Variants in VPS41 observed in about 807,000 individuals in gnomAD.
VPS41 encodes the protein VPS41 subunit of HOPS complex.
Under a neutral mutation model 130.9 loss-of-function variants are expected in VPS41, and 85 were observed. That is an observed-to-expected ratio of 0.65 (90% CI 0.55 to 0.78). The LOEUF (loss-of-function observed/expected upper bound fraction) is 0.78, where lower values mean the gene tolerates loss of function less well. Among genes scored for constraint, VPS41 ranks in the 30% least tolerant of loss-of-function variants. The pLI is 0.00. For missense variants in VPS41, 874 were observed against 1,018.7 expected, an observed-to-expected ratio of 0.86 and a Z score of 1.93; for synonymous variants, 335 against 332.9, an observed-to-expected ratio of 1.01 and a Z score of -0.07.
At chr7:38,761,181 T>C (rs2286084) in intron 17 of VPS41, among the ~76,000 whole-genome samples, 1 of 149,870 alleles carries the variant, frequency 6.7e-6, no homozygotes, top group African/African-American at 2.5e-5. Context: ...TCCTTCCTTG[T>C]CCTTCCTTTC....
At chr7:38,902,398 T>A (rs1787165068) in intron 1 of VPS41, among the ~76,000 whole-genome samples, 1 of 152,216 alleles carries the variant, frequency 6.6e-6, no homozygotes, top group South Asian at 2.1e-4. Context: ...TATATCTCTG[T>A]GCCACAAGTG....
chr7:38,781,908 T>C (rs919997930), intron 10 of VPS41, among the ~76,000 whole-genome samples: 2 of 152,260 alleles, frequency 1.3e-5, no homozygotes, highest in African/African-American at 4.8e-5. Flanking sequence ...TAGGTGTGTC[T>C]TTCTGGTATG....
chr7:38,792,983 G>C (rs1429598026), intron 9 of VPS41, among the ~76,000 whole-genome samples: 2 of 152,076 alleles, frequency 1.3e-5, no homozygotes, highest in African/African-American at 4.8e-5. Flanking sequence ...GGCCCCCATA[G>C]AGCTGTATAA....
At chr7:38,824,146 C>T (rs1785225684) in intron 5 of VPS41, among the ~76,000 whole-genome samples, 1 of 152,136 alleles carries the variant, frequency 6.6e-6, no homozygotes, top group Non-Finnish European at 1.5e-5. Context: ...CTGAACTTCT[C>T]CTAACTTAAT....
chr7:38,866,654 C>T (rs919076325), intron 3 of VPS41, among the ~76,000 whole-genome samples: 4 of 152,172 alleles, frequency 2.6e-5, no homozygotes, highest in Admixed American at 6.5e-5. Flanking sequence ...AATATGCATG[C>T]TATTCCAGTG....
At chr7:38,872,580 C>A (rs181698408) in intron 2 of VPS41, among the ~76,000 whole-genome samples, 3 of 152,090 alleles carry the variant, frequency 2.0e-5, no homozygotes, top group Non-Finnish European at 4.4e-5. Flanking sequence ...TATTAACTTT[C>A]CAAGAATAAC....
intron 14 of VPS41, among the ~76,000 whole-genome samples, chr7:38,769,375 A>G (rs902107096): frequency 6.6e-6 from 1 of 152,228 alleles, no homozygotes; most frequent in African/African-American, 2.4e-5. Flanking sequence ...AAGCAAGCAT[A>G]ATTACATAAA....
At chr7:38,832,619 A>G (rs1327359503) in intron 4 of VPS41, among the ~76,000 whole-genome samples, 14 of 151,794 alleles carry the variant, frequency 9.2e-5, no homozygotes, top group Admixed American at 9.2e-4. Context: ...AACTTTTCAC[A>G]TTTTCTTTGG....
rs371652954 is a variant in VPS41 at position 38,847,867 on chromosome 7, G to A, written c.246+14678C>T. 2.0e-5 allele frequency among the ~76,000 whole-genome samples: 3 copies of A among 152,286 alleles called. 1 individual carries two copies. Among genetic ancestry groups the A allele is most frequent in the East Asian group, 1.9e-4 (1 of 5,188 alleles). ...CTATTTATCTAAAATCTAAACATTT[G>A]AGAGAGTAAAGCCCTTGTTTTCCAC... is the stretch of plus-strand genomic sequence containing the variant. On this transcript the variant is annotated intron_variant, in intron 4 of 28. Coordinates refer to ENST00000310301, the MANE Select transcript of VPS41 (RefSeq NM_014396.4).
In VPS41 at chr7:38,796,762, C is replaced by A; in HGVS notation, c.553G>T (p.Ala185Ser). 6.2e-7 allele frequency: 1 copy of A among 1,613,880 alleles called. No homozygotes were observed. The highest frequency in any genetic ancestry group is 1.3e-5 in the African/African-American group (1 of 75,006). The change falls in exon 8 of 29, where the codon GCT (alanine) becomes TCT (serine). Residue 185 changes from alanine (A) to serine (S), a missense_variant. Physicochemically the swap from Ala to Ser is moderately conservative, Grantham distance 99. Coordinates refer to ENST00000310301, the MANE Select transcript of VPS41 (RefSeq NM_014396.4). ...RSVKWRGHLI[A>S]WANNMGVKIF... is the part of the protein sequence containing the mutation. ...TTTTTTACCATATTATTGGCCCAAG[C>A]AATCAGATGGCCTCTCCACTTCACA... is the stretch of plus-strand genomic sequence containing the variant.
At chr7:38,900,184 C>T (rs2116446804) in intron 1 of VPS41, among the ~76,000 whole-genome samples, 1 of 152,270 alleles carries the variant, frequency 6.6e-6, no homozygotes, top group South Asian at 2.1e-4. Flanking sequence ...TCGAGCCCAG[C>T]AGGTCAAGGC....
chr7:38,866,897 T>C (rs943267491), intron 3 of VPS41, among the ~76,000 whole-genome samples: 2 of 152,086 alleles, frequency 1.3e-5, no homozygotes, highest in Non-Finnish European at 2.9e-5. Flanking sequence ...GATCCAGAAT[T>C]TAGAATCAGC....
intron 2 of VPS41, among the ~76,000 whole-genome samples, chr7:38,883,678 T>C (rs1200777299): frequency 2.3e-5 from 3 of 128,594 alleles, no homozygotes; most frequent in Non-Finnish European, 5.0e-5. Flanking sequence ...TCAACCAATC[T>C]TGGACTGCCT....
chr7:38,733,738 C>T (rs1417240525), intron 25 of VPS41, among the ~76,000 whole-genome samples: 2 of 152,170 alleles, frequency 1.3e-5, no homozygotes, highest in Non-Finnish European at 2.9e-5. Context: ...AATTAAACAG[C>T]ACCATTATTA....
At chr7:38,789,208 C>A (rs773693233) in intron 10 of VPS41, among the ~76,000 whole-genome samples, 2 of 152,062 alleles carry the variant, frequency 1.3e-5, no homozygotes, top group African/African-American at 2.4e-5. Context: ...CAAAAACAGA[C>A]CCTGTGTGTG....
chr7:38,874,698 A>G lies in VPS41; in HGVS notation c.61-5445T>C, dbSNP rs549305174. Among the ~76,000 whole-genome samples the G allele has an allele frequency of 8.5e-5, 13 of 152,316 alleles. No individual in the cohort carries two copies. The East Asian group carries it at 2.5e-3, about 29-fold the overall frequency. The stretch of plus-strand genomic sequence containing the variant: ...CAAACACACACAAAAAAAACCTTTC[A>G]TGCAGTTTGAACTTCCACAGTAAAA... On this transcript the variant is annotated intron_variant, in intron 2 of 28. Transcript: ENST00000310301.
At chr7:38,883,961 C>T (rs1265401913) in intron 2 of VPS41, among the ~76,000 whole-genome samples, 2 of 152,156 alleles carry the variant, frequency 1.3e-5, no homozygotes, top group African/African-American at 4.8e-5. Flanking sequence ...GTTTGTAAGC[C>T]AAGTGCTATG....
rs1273853560 is a variant in VPS41, at chr7:38,723,265, C to G, written c.*2981G>C. The G allele has an allele frequency of 1.3e-5, 2 of 152,136 alleles. No homozygotes were observed. The highest frequency in any genetic ancestry group is 4.8e-5 in the African/African-American group (2 of 41,416). 9.4% of individuals were successfully genotyped at this position (152,136 alleles called of 1,614,324 possible). ...TTGTTCAAGGGTCAACTATATATAG[C>G]TTTACATTGTAACAACAGCAAAATG... is the stretch of plus-strand genomic sequence containing the variant. On this transcript the variant is annotated 3_prime_UTR_variant, in exon 29 of 29. Transcript: ENST00000310301.
At chr7:38,785,584 T>A (rs890287680) in intron 10 of VPS41, among the ~76,000 whole-genome samples, 2 of 152,212 alleles carry the variant, frequency 1.3e-5, no homozygotes, top group Non-Finnish European at 2.9e-5. Context: ...ATTTAGTGAG[T>A]ATGTTACAGC....
Sources: gnomAD v4.1 joint callset for allele counts (sites outside exome capture counted in the v4.1 genomes callset) on GRCh38, gnomAD v4.1.1 for gene constraint, MANE v1.5 for transcripts, NCBI Gene and HGNC (gene_info 2026-07-23, HGNC 2026-07-21) for gene names.